Variants in DSCAM observed in about 807,000 individuals in gnomAD.
The protein encoded by DSCAM is DS cell adhesion molecule, also known as cell adhesion molecule DSCAM.
DSCAM carries 47 observed loss-of-function variants against 217.7 expected under a neutral mutation model. That is an observed-to-expected ratio of 0.22 (90% confidence interval 0.17 to 0.28). The LOEUF is 0.28. Among genes scored for constraint, DSCAM ranks in the 10% least tolerant of loss-of-function variants. DSCAM has a pLI of 1.00. For missense variants in DSCAM, 2,080 were observed against 2,618.3 expected (o/e 0.79, Z 4.49); for synonymous variants, 1,056 against 1,015.3 (o/e 1.04, Z -0.76).
chr21:40,800,839 C>T (rs2091733893), intron 1 of DSCAM, among the ~76,000 whole-genome samples: 1 of 151,770 alleles, frequency 6.6e-6, no homozygotes, highest in South Asian at 2.1e-4. Flanking sequence ...CCTCAGCCTC[C>T]TGAGTAGCTT....
intron 3 of DSCAM, among the ~76,000 whole-genome samples, chr21:40,685,675 C>T (rs1442792085): frequency 6.6e-6 from 1 of 152,190 alleles, no homozygotes; most frequent in Non-Finnish European, 1.5e-5. Context: ...ATAGCCTTCT[C>T]CTGTATTAAG....
At chr21:40,345,584 A>C (rs1478478900) in intron 6 of DSCAM, among the ~76,000 whole-genome samples, 3 of 152,128 alleles carry the variant, frequency 2.0e-5, no homozygotes, top group Non-Finnish European at 4.4e-5. Context: ...ATTCCATTTT[A>C]TAGCCTCATA....
In DSCAM at chr21:40,767,774, C is replaced by T. The variant is rs1356483072; in HGVS notation, c.44-59003G>A. On this transcript the variant is annotated intron_variant, in intron 1 of 32. Coordinates refer to ENST00000400454, the MANE Select transcript of DSCAM (RefSeq NM_001389.5). ...TTGACGGGATGAATTACCATTTCTACGGATGGTGCCACCTGTGACATTCAG... is the reference window on the plus strand; with the variant it reads ...TTGACGGGATGAATTACCATTTCTATGGATGGTGCCACCTGTGACATTCAG... Among the ~76,000 whole-genome samples, 3 of 152,168 alleles carry T rather than the reference C, an allele frequency of 2.0e-5. No individual in the cohort carries two copies. The East Asian group carries it at 5.8e-4, about 29-fold the overall frequency.
intron 3 of DSCAM, among the ~76,000 whole-genome samples, chr21:40,649,091 C>T (rs998060306): frequency 7.4e-6 from 1 of 134,414 alleles, no homozygotes; most frequent in Admixed American, 8.4e-5. Flanking sequence ...GCCTCACACA[C>T]TTTATTGACC....
intron 3 of DSCAM, among the ~76,000 whole-genome samples, chr21:40,644,389 G>T (rs1392395545): frequency 2.6e-5 from 4 of 152,224 alleles, no homozygotes; most frequent in Non-Finnish European, 4.4e-5. Context: ...CAGGAGAATA[G>T]GGTTTAGGGT....
intron 9 of DSCAM, among the ~76,000 whole-genome samples, chr21:40,296,381 C>A (rs78424050): frequency 0.034 from 5,239 of 152,202 alleles, 276 homozygotes; most frequent in African/African-American, 0.12. Flanking sequence ...TATCAATGAG[C>A]TTTTGTCACA....
At chr21:40,812,233 C>T (rs1248812473) in intron 1 of DSCAM, among the ~76,000 whole-genome samples, 1 of 152,210 alleles carries the variant, frequency 6.6e-6, no homozygotes, top group African/African-American at 2.4e-5. Flanking sequence ...TACCATCTGA[C>T]CTCATAAACT....
intron 1 of DSCAM, among the ~76,000 whole-genome samples, chr21:40,746,931 T>C (rs2091180512): frequency 6.6e-6 from 1 of 151,912 alleles, no homozygotes; most frequent in African/African-American, 2.4e-5. Flanking sequence ...ACTGTAAAAC[T>C]TCATGGAAAT....
chr21:40,406,507 C>A (rs1046269950), intron 3 of DSCAM, among the ~76,000 whole-genome samples: 1 of 152,130 alleles, frequency 6.6e-6, no homozygotes, highest in Non-Finnish European at 1.5e-5. Context: ...CATGGATAAA[C>A]CTGAAGGACA....
intron 3 of DSCAM, among the ~76,000 whole-genome samples, chr21:40,504,127 T>C (rs1290237680): frequency 6.6e-6 from 1 of 151,360 alleles, no homozygotes; most frequent in African/African-American, 2.4e-5. Context: ...AAATGAACAG[T>C]CTGAGGCTTA....
intron 1 of DSCAM, among the ~76,000 whole-genome samples, chr21:40,807,646 AG>A (rs1167827476): frequency 6.6e-6 from 1 of 152,222 alleles, no homozygotes; most frequent in East Asian, 1.9e-4. Context: ...AAAGACCCAA[AG>A]GTCATAACAA....
At chr21:40,453,234 G>A (rs1439278765) in intron 3 of DSCAM, among the ~76,000 whole-genome samples, 2 of 152,142 alleles carry the variant, frequency 1.3e-5, no homozygotes, top group South Asian at 2.1e-4. Flanking sequence ...TGTGATAAGC[G>A]TACTCCCTTA....
In DSCAM at chr21:40,611,119, C is replaced by T. The variant is rs997527783; in HGVS notation, c.508+81691G>A. Among the ~76,000 whole-genome samples the T allele has an allele frequency of 3.6e-5, 5 of 139,910 alleles. No homozygotes were observed. The East Asian group carries it at 6.4e-4, about 18-fold the overall frequency. 91.8% of individuals were successfully genotyped at this position (139,910 alleles called of 152,430 possible). A position where few individuals can be genotyped will look rare whatever the true frequency, so the allele number is the denominator to read the frequency against. ...TGTCGTCCAGGCTGGAGTACAGTGG[C>T]GCGATCTCGGCTCACTGCAACCTCT... is the stretch of plus-strand genomic sequence containing the variant. On this transcript the variant is annotated intron_variant, in intron 3 of 32. Transcript: ENST00000400454.
intron 1 of DSCAM, among the ~76,000 whole-genome samples, chr21:40,809,241 G>T (rs1244453371): frequency 6.6e-6 from 1 of 152,136 alleles, no homozygotes; most frequent in Non-Finnish European, 1.5e-5. Context: ...GGACAGACTG[G>T]TAGCTCATAA....
At chr21:40,512,010 A>AAAAAAAAGAT (rs61560593) in intron 3 of DSCAM, among the ~76,000 whole-genome samples, 1 of 106,368 alleles carries the variant, frequency 9.4e-6, no homozygotes, top group South Asian at 3.0e-4. Context: ...AAAAAAAAAA[A>AAAAAAAAGAT]GTATTCTATT....
At chr21:40,724,393 C>T (rs774087702) in intron 1 of DSCAM, among the ~76,000 whole-genome samples, 2 of 151,924 alleles carry the variant, frequency 1.3e-5, no homozygotes, top group African/African-American at 2.4e-5. Flanking sequence ...TAAAGAATTA[C>T]AAATGAAGAA....
Position 40,096,349 on chromosome 21 carries a change from G to A in DSCAM, c.3697-2475C>T, listed in dbSNP as rs145402193. Among the ~76,000 whole-genome samples the A allele has an allele frequency of 3.3e-3, 501 of 152,152 alleles. 4 individuals are homozygous for A. The highest frequency in any genetic ancestry group is 0.011 in the African/African-American group (459 of 41,476). On this transcript the variant is annotated intron_variant, in intron 20 of 32. Transcript: ENST00000400454. ...AAATGCATAAAACCAAGCTGTGCTC[G>A]GACCACCTTGAGCACATACTGTCAG...
chr21:40,364,460 T>G (rs1171781224), intron 4 of DSCAM, among the ~76,000 whole-genome samples: 1 of 138,898 alleles, frequency 7.2e-6, no homozygotes, highest in African/African-American at 2.7e-5. Context: ...TTCTCACTCA[T>G]AGGTGGGAAT....
At chr21:40,756,016 A>G (rs937157151) in intron 1 of DSCAM, among the ~76,000 whole-genome samples, 2 of 152,214 alleles carry the variant, frequency 1.3e-5, no homozygotes, top group African/African-American at 2.4e-5. Flanking sequence ...ATGTCACTGT[A>G]TGATACGGTT....
Sources: allele counts gnomAD v4.1 joint callset (sites outside exome capture counted in the v4.1 genomes callset), GRCh38; gene constraint gnomAD v4.1.1; transcripts MANE v1.5; gene names NCBI Gene and HGNC (gene_info 2026-07-23, HGNC 2026-07-21).